Variants in MCTP1 observed in about 807,000 individuals in gnomAD.
The protein encoded by MCTP1 is multiple C2 and transmembrane domain containing 1.
In MCTP1, 69 loss-of-function variants were observed where a neutral mutation model predicts 120.6. The observed-to-expected ratio is 0.57, with a 90% CI of 0.47 to 0.70. The LOEUF (loss-of-function observed/expected upper bound fraction) is 0.70. Ranked by LOEUF, MCTP1 falls within the 30% of genes least tolerant of loss-of-function variation. MCTP1 has a pLI of 0.00. For synonymous variants in MCTP1, 529 were observed against 493.1 expected (o/e 1.07, Z -0.96); for missense variants, 1,203 against 1,248.8 (o/e 0.96, Z 0.55).
intron 1 of MCTP1, among the ~76,000 whole-genome samples, chr5:95,194,517 C>G (rs1266233509): frequency 6.6e-6 from 1 of 152,164 alleles, no homozygotes; most frequent in Non-Finnish European, 1.5e-5. Context: ...TAAAAATATT[C>G]ACCTCACTGA....
chr5:94,952,246 C>G (rs1820827325), intron 3 of MCTP1, among the ~76,000 whole-genome samples: 2 of 147,282 alleles, frequency 1.4e-5, no homozygotes, highest in South Asian at 4.3e-4. Flanking sequence ...ATTTATTATG[C>G]AAGTGTGTGT....
chr5:94,818,100 G>T (rs1784871371), intron 17 of MCTP1, among the ~76,000 whole-genome samples: 1 of 152,156 alleles, frequency 6.6e-6, no homozygotes, highest in Non-Finnish European at 1.5e-5. Flanking sequence ...AAAGCTAGAA[G>T]AAGGTAAACC....
intron 10 of MCTP1, among the ~76,000 whole-genome samples, chr5:94,903,663 G>A (rs758453692): frequency 3.9e-5 from 6 of 152,172 alleles, no homozygotes; most frequent in Admixed American, 1.3e-4. Context: ...TAGTTGTCAT[G>A]GGTAGCACCA....
At chr5:94,894,876 T>TA in intron 10 of MCTP1, 41 bp from the exon 11 acceptor site, 1 of 1,419,134 alleles carries the variant, frequency 7.0e-7, no homozygotes. Context: ...GCTTTTTTTT[T>TA]TTTTTTGCCA....
chr5:94,852,119 G>T (rs1177429903), intron 17 of MCTP1, among the ~76,000 whole-genome samples: 2 of 151,864 alleles, frequency 1.3e-5, no homozygotes, highest in Admixed American at 6.6e-5. Context: ...CAGATTCATA[G>T]TTGAAACTTT....
chr5:94,714,925 G>T, intron 19 of MCTP1, 39 bp from the exon 20 acceptor site: 2 of 1,176,738 alleles, frequency 1.7e-6, no homozygotes, highest in Non-Finnish European at 2.5e-6. Flanking sequence ...ATGAGTAAAG[G>T]TATTCTTCAT....
intron 18 of MCTP1, among the ~76,000 whole-genome samples, chr5:94,791,451 C>A (rs1326844758): frequency 1.3e-5 from 2 of 151,894 alleles, no homozygotes; most frequent in Non-Finnish European, 2.9e-5. Flanking sequence ...GCTATGATGG[C>A]ACCACTGCAC....
chr5:95,283,867 C>A lies in MCTP1; in HGVS notation c.709G>T (p.Gly237Cys), dbSNP rs761207624. 2.2e-6 allele frequency: 3 copies of A among 1,375,608 alleles called. No individual in the cohort carries two copies. Among genetic ancestry groups the A allele is most frequent in the African/African-American group, 3.1e-5 (2 of 65,130 alleles). 85.2% of individuals were successfully genotyped at this position (1,375,608 alleles called of 1,614,324 possible). A position where few individuals can be genotyped will look rare whatever the true frequency, so the allele number is the denominator to read the frequency against. The change falls in exon 1 of 23, where the codon GGC becomes TGC. Residue 237 changes from glycine to cysteine, a missense_variant. Coordinates refer to ENST00000515393, the MANE Select transcript of MCTP1 (RefSeq NM_024717.7). ...SRAPETGEEH[G>C]SSQKIINTAG... The stretch of plus-strand genomic sequence containing the variant: ...CCACCGGCACTCACCTGGCTGCTGC[C>A]GTGCTCCTCGCCCGTCTCCGGGGCC...
At chr5:94,940,280 T>C (rs1247855049) in intron 4 of MCTP1, 85 bp from the exon 5 acceptor site, 2 of 745,084 alleles carry the variant, frequency 2.7e-6, no homozygotes, top group Admixed American at 2.9e-5. Flanking sequence ...TATTTTAAGA[T>C]AAAAAGTAAT....
At chr5:95,091,742 C>T (rs1251696396) in intron 1 of MCTP1, among the ~76,000 whole-genome samples, 2 of 152,206 alleles carry the variant, frequency 1.3e-5, no homozygotes, top group East Asian at 1.9e-4. Flanking sequence ...TCCAAGCAAA[C>T]CTTTCACACA....
chr5:95,077,534 G>A (rs1457645084), intron 1 of MCTP1, among the ~76,000 whole-genome samples: 1 of 151,556 alleles, frequency 6.6e-6, no homozygotes, highest in East Asian at 1.9e-4. Context: ...GTGCAGTGGC[G>A]CAATCTCGGC....
At chr5:95,099,970 G>A (rs1756597182) in intron 1 of MCTP1, among the ~76,000 whole-genome samples, 1 of 151,412 alleles carries the variant, frequency 6.6e-6, no homozygotes, top group South Asian at 2.1e-4. Flanking sequence ...CATGTCCTTT[G>A]TAGGGACATG....
intron 19 of MCTP1, among the ~76,000 whole-genome samples, chr5:94,735,905 A>C (rs1281429644): frequency 6.6e-6 from 1 of 152,236 alleles, no homozygotes; most frequent in Non-Finnish European, 1.5e-5. Context: ...TCAACACAGT[A>C]GTAGAGAAAG....
chr5:95,257,503 G>A (rs1758012201), intron 1 of MCTP1, among the ~76,000 whole-genome samples: 1 of 151,848 alleles, frequency 6.6e-6, no homozygotes, highest in South Asian at 2.1e-4. Flanking sequence ...ATCTTTCAAT[G>A]AACTTATATT....
chr5:95,120,787 C>A (rs1046222095), intron 1 of MCTP1, among the ~76,000 whole-genome samples: 5 of 152,116 alleles, frequency 3.3e-5, no homozygotes, highest in Non-Finnish European at 5.9e-5. Flanking sequence ...GACAAGGATG[C>A]TCATTTTCAT....
At chr5:95,058,769 C>T (rs958232232) in intron 1 of MCTP1, among the ~76,000 whole-genome samples, 8 of 151,990 alleles carry the variant, frequency 5.3e-5, no homozygotes, top group African/African-American at 1.9e-4. Context: ...ACAATTTTTT[C>T]CTTTTACCTC....
chr5:94,794,572 G>A (rs112005230), intron 18 of MCTP1, among the ~76,000 whole-genome samples: 284 of 152,276 alleles, frequency 1.9e-3, no homozygotes, highest in African/African-American at 6.6e-3. Context: ...TTACAACAGG[G>A]CACAATTGGG....
intron 17 of MCTP1, among the ~76,000 whole-genome samples, chr5:94,800,880 T>C (rs1781085636): frequency 6.6e-6 from 1 of 152,036 alleles, no homozygotes; most frequent in East Asian, 1.9e-4. Flanking sequence ...TTGTAATACA[T>C]GAAACATGAG....
At chr5:95,086,312 AT>A (rs576186763) in intron 1 of MCTP1, among the ~76,000 whole-genome samples, 8 of 152,314 alleles carry the variant, frequency 5.3e-5, no homozygotes, top group African/African-American at 1.9e-4. Context: ...ATACATACAC[AT>A]TTACAGACTA....
Sources: gnomAD v4.1 joint callset for allele counts (sites outside exome capture counted in the v4.1 genomes callset) on GRCh38, gnomAD v4.1.1 for gene constraint, MANE v1.5 for transcripts, NCBI Gene and HGNC (gene_info 2026-07-23, HGNC 2026-07-21) for gene names.